HSPA4L: variants seen among roughly 807,000 people sequenced by gnomAD.
HSPA4L encodes heat shock protein family A (Hsp70) member 4 like.
HSPA4L carries 48 observed loss-of-function variants against 100.3 expected under a neutral mutation model. The observed-to-expected ratio is 0.48, with a 90% CI of 0.38 to 0.61. HSPA4L has a LOEUF of 0.61. Among genes scored for constraint, HSPA4L ranks in the 20% least tolerant of loss-of-function variants. The probability of loss-of-function intolerance (pLI) is 0.00; values close to 1 mark genes in which losing one functional copy is unlikely to be tolerated. For synonymous variants in HSPA4L, 319 were observed against 328.2 expected (o/e 0.97, Z 0.30); for missense variants, 886 against 988.6 (o/e 0.90, Z 1.39).
In HSPA4L at chr4:127,798,574, C is replaced by T; in HGVS notation, c.307-13C>T. On this transcript the variant is annotated splice_polypyrimidine_tract_variant and intron_variant, in intron 3 of 18. Transcript: ENST00000296464. ...AAATGACTCTTAATAAATATCCCAACTTTTGGTGTTAGGTGCGGTACTTAG... is the reference window on the plus strand; with the variant it reads ...AAATGACTCTTAATAAATATCCCAATTTTTGGTGTTAGGTGCGGTACTTAG... The T allele has an allele frequency of 1.2e-6, 2 of 1,612,002 alleles. No individual in the cohort carries two copies. The highest frequency in any genetic ancestry group is 1.7e-6 in the Non-Finnish European group (2 of 1,178,868).
chr4:127,811,637 G>A lies in HSPA4L; in HGVS notation c.1578+1G>A. 6.3e-7 allele frequency: 1 copy of A among 1,599,570 alleles called. No homozygotes were observed. The highest frequency in any genetic ancestry group is 8.5e-7 in the Non-Finnish European group (1 of 1,170,298). The stretch of plus-strand genomic sequence containing the variant: ...TAAAAATGAAAACAAAGATAATATG[G>A]TATGTAGAAATTCTTTCTCAATGTT... On this transcript the variant is annotated splice_donor_variant, in intron 12 of 18. Coordinates refer to ENST00000296464, the MANE Select transcript of HSPA4L (RefSeq NM_014278.4). LOFTEE classifies it high-confidence loss of function.
intron 2 of HSPA4L, 125 bp downstream of exon 2, chr4:127,794,259 C>CTTTGTTTTGT (rs761114924): frequency 8.6e-6 from 5 of 583,876 alleles, no homozygotes; most frequent in Non-Finnish European, 1.5e-5. Context: ...GGTACTACAT[C>CTTTGTTTTGT]TTTGTTTTGT....
chr4:127,809,124 A>G, intron 11 of HSPA4L: 1 of 673,782 alleles, frequency 1.5e-6, no homozygotes, highest in Non-Finnish European at 2.7e-6. Flanking sequence ...GTGATTGTGA[A>G]GTGCTCACCA....
chr4:127,824,962 CT>C (rs1733909834), intron 16 of HSPA4L, among the ~76,000 whole-genome samples: 1 of 152,074 alleles, frequency 6.6e-6, no homozygotes, highest in Non-Finnish European at 1.5e-5. Flanking sequence ...TGGTGAAACC[CT>C]GTCTCTACTA....
At chr4:127,818,761 T>C (rs905355384) in intron 13 of HSPA4L, among the ~76,000 whole-genome samples, 8 of 151,832 alleles carry the variant, frequency 5.3e-5, no homozygotes, top group Non-Finnish European at 1.2e-4. Context: ...GGGAGGGAGA[T>C]GATCCCTCCC....
intron 3 of HSPA4L, among the ~76,000 whole-genome samples, chr4:127,797,100 A>C (rs1488080619): frequency 6.6e-6 from 1 of 152,192 alleles, no homozygotes; most frequent in Non-Finnish European, 1.5e-5. Flanking sequence ...AGGCTGTTAA[A>C]ATAGTTGAGG....
At position 127,830,783 on chromosome 4, in the gene HSPA4L, T is replaced by C. The variant is rs750378043; in HGVS notation, c.2312T>C (p.Ile771Thr). ...TQDPVVKVSE[I>T]VAKSKELDNF... Reference sequence around the variant, plus strand: ...GATCCTGTGGTAAAAGTTTCAGAAATAGTAGCAAAGTCAAAGGTAAGAAGT... The same window carrying C: ...GATCCTGTGGTAAAAGTTTCAGAAACAGTAGCAAAGTCAAAGGTAAGAAGT... The change falls in exon 18 of 19, where the codon ATA becomes ACA. Residue 771 changes from isoleucine (I) to threonine (T), a missense_variant. Physicochemically the swap from Ile to Thr is moderately conservative, Grantham distance 89. Coordinates refer to ENST00000296464, the MANE Select transcript of HSPA4L (RefSeq NM_014278.4). 1.8e-5 allele frequency: 29 copies of C among 1,587,220 alleles called. No homozygotes were observed. In the Admixed American group the frequency reaches 3.3e-4, roughly 18 times the overall value.
intron 2 of HSPA4L, 23 bp from the exon 3 acceptor site, chr4:127,795,745 A>G (rs1022768589): frequency 2.4e-5 from 38 of 1,611,870 alleles, no homozygotes; most frequent in Non-Finnish European, 2.8e-5. Context: ...TAACTGATAA[A>G]TACAAGTGTT....
chr4:127,791,797 C>T (rs1341345594), intron 1 of HSPA4L, among the ~76,000 whole-genome samples: 2 of 152,158 alleles, frequency 1.3e-5, no homozygotes, highest in African/African-American at 4.8e-5. Flanking sequence ...CCTGACTCTC[C>T]TCCTCTAGGT....
At position 127,837,970 on chromosome 4, in the gene HSPA4L, A is replaced by C. The variant is rs1404752350; in HGVS notation, c.*5096A>C. 1 of 152,020 alleles carries C rather than the reference A, an allele frequency of 6.6e-6. No homozygotes were observed. Among genetic ancestry groups the C allele is most frequent in the Non-Finnish European group, 1.5e-5 (1 of 68,044 alleles). The allele number at this position is 152,020 out of a possible 1,614,324, so 9.4% of individuals were successfully genotyped here. A position where few individuals can be genotyped will look rare whatever the true frequency, so the allele number is the denominator to read the frequency against. ...CAGGAACCCACCACCACGCCCAGCTAATTTTTGTATTTTTAGTAGATGGGG... is the reference window on the plus strand; with the variant it reads ...CAGGAACCCACCACCACGCCCAGCTCATTTTTGTATTTTTAGTAGATGGGG... On this transcript the variant is annotated 3_prime_UTR_variant, in exon 19 of 19. Coordinates refer to ENST00000296464, the MANE Select transcript of HSPA4L (RefSeq NM_014278.4).
chr4:127,782,701 T>C, intron 1 of HSPA4L, 44 bp downstream of exon 1: 1 of 1,390,652 alleles, frequency 7.2e-7, no homozygotes, highest in Non-Finnish European at 1.0e-6. Context: ...AAGAAACGTT[T>C]TTCTCTCCCG....
At chr4:127,791,897 T>C (rs1345624750) in intron 1 of HSPA4L, among the ~76,000 whole-genome samples, 1 of 152,248 alleles carries the variant, frequency 6.6e-6, no homozygotes, top group Non-Finnish European at 1.5e-5. Context: ...TCTATAGCAT[T>C]GTGAGATCCA....
chr4:127,832,658 A>G, intron 18 of HSPA4L, 25 bp from the exon 19 acceptor site: 2 of 1,530,826 alleles, frequency 1.3e-6, no homozygotes, highest in Admixed American at 2.0e-5. Context: ...TCGTTTTAAT[A>G]TAATCAATTT....
Position 127,832,754 on chromosome 4 carries a change from A to G in HSPA4L, c.2400A>G (p.Pro800=). 3.7e-6 allele frequency: 6 copies of G among 1,613,568 alleles called. No homozygotes were observed. The highest frequency in any genetic ancestry group is 5.1e-6 in the Non-Finnish European group (6 of 1,179,694). ...AAGCAGAAGTTCCTGAAGACAAACC[A>G]AAAGCTAATAGTGAACACAATGGCC... The part of the protein sequence containing the change: ...KPKAEVPEDK[P]KANSEHNGPM... Residue 800 remains proline (P), a synonymous_variant, in exon 19 of 19, where the codon CCA becomes CCG. Transcript: ENST00000296464.
rs901044135 is a variant in HSPA4L, at chr4:127,834,465, G to A, written c.*1591G>A. ...AGAGTATGGAGTAGTGCATTTTGCA[G>A]GGATTTTTATTCCGTCTTTTGAGGG... On this transcript the variant is annotated 3_prime_UTR_variant, in exon 19 of 19. Transcript: ENST00000296464. 1 of 152,076 alleles carries A rather than the reference G, an allele frequency of 6.6e-6. No individual in the cohort carries two copies. Among genetic ancestry groups the A allele is most frequent in the African/African-American group, 2.4e-5 (1 of 41,422 alleles). The allele number at this position is 152,076 out of a possible 1,614,324, so 9.4% of individuals were successfully genotyped here.
At chr4:127,802,152 G>A (rs1733206752) in intron 6 of HSPA4L, among the ~76,000 whole-genome samples, 1 of 152,102 alleles carries the variant, frequency 6.6e-6, no homozygotes. Context: ...GCCTGGCATA[G>A]GGTAGCTGCT....
intron 12 of HSPA4L, among the ~76,000 whole-genome samples, chr4:127,813,921 G>C (rs1370330672): frequency 1.3e-5 from 2 of 152,220 alleles, no homozygotes; most frequent in Non-Finnish European, 2.9e-5. Context: ...TGGGATTACA[G>C]GTGTGAGCCA....
chr4:127,796,283 T>A (rs1369125388), intron 3 of HSPA4L, among the ~76,000 whole-genome samples: 1 of 152,172 alleles, frequency 6.6e-6, no homozygotes, highest in Non-Finnish European at 1.5e-5. Context: ...AGAAGAATCT[T>A]ATACTATAAA....
Position 127,798,653 on chromosome 4 carries a change from C to G in HSPA4L, c.373C>G (p.Leu125Val), listed in dbSNP as rs758185945. The G allele has an allele frequency of 1.2e-6, 2 of 1,613,632 alleles. No homozygotes were observed. Among genetic ancestry groups the G allele is most frequent in the Non-Finnish European group, 8.5e-7 (1 of 1,179,698 alleles). The change falls in exon 4 of 19, where the codon CTT becomes GTT. Residue 125 changes from leucine (L) to valine (V), a missense_variant. Coordinates refer to ENST00000296464, the MANE Select transcript of HSPA4L (RefSeq NM_014278.4). Reference protein sequence around the residue: ...EQVTGMLLAKLKETSENALKK... With the variant: ...EQVTGMLLAKVKETSENALKK... ...AGTTACTGGAATGCTGTTAGCCAAGCTTAAAGAGACTTCAGAAAATGCTTT... is the reference window on the plus strand; with the variant it reads ...AGTTACTGGAATGCTGTTAGCCAAGGTTAAAGAGACTTCAGAAAATGCTTT...
Sources: gnomAD v4.1 joint callset for allele counts (sites outside exome capture counted in the v4.1 genomes callset) on GRCh38, gnomAD v4.1.1 for gene constraint, MANE v1.5 for transcripts, NCBI Gene and HGNC (gene_info 2026-07-23, HGNC 2026-07-21) for gene names.